Variants in MYRFL observed in about 807,000 individuals in gnomAD.
MYRFL encodes myelin regulatory factor like.
MYRFL carries 88 observed loss-of-function variants against 109.4 expected under a neutral mutation model. That is an observed-to-expected ratio of 0.80 (90% CI 0.68 to 0.96). The LOEUF (loss-of-function observed/expected upper bound fraction) is 0.96, where lower values mean the gene tolerates loss of function less well. MYRFL is among the 40% of genes least tolerant of loss of function. The pLI, the probability that MYRFL is intolerant of heterozygous loss-of-function variation, is 0.00. For missense variants in MYRFL, 957 were observed against 954.9 expected, an observed-to-expected ratio of 1.00 and a Z score of -0.03; for synonymous variants, 324 against 320.9, an observed-to-expected ratio of 1.01 and a Z score of -0.10.
At chr12:69,930,577 G>A (rs1281840587) in intron 15 of MYRFL, among the ~76,000 whole-genome samples, 2 of 152,026 alleles carry the variant, frequency 1.3e-5, no homozygotes, top group Non-Finnish European at 2.9e-5. Context: ...TTAATACTTT[G>A]GGAGGCCAGA....
chr12:69,958,458 G>A lies in MYRFL; in HGVS notation c.2660G>A (p.Cys887Tyr), dbSNP rs535892442. The change falls in exon 25 of 25, where the codon TGT (cysteine) becomes TAT (tyrosine). Residue 887 changes from cysteine to tyrosine, a missense_variant. Physicochemically the swap from Cys to Tyr is radical, Grantham distance 194. Transcript: ENST00000552032. ...FRVAAPDLAD[C>Y]STDPYFAGIF... ...CTTTTCTGACAGGATTTAGCTGACT[G>A]TTCAACTGATCCTTATTTTGCTGGG... is the stretch of plus-strand genomic sequence containing the variant. 63 of 1,530,672 alleles carry A rather than the reference G, an allele frequency of 4.1e-5. No individual in the cohort carries two copies. Among genetic ancestry groups the A allele is most frequent in the Non-Finnish European group, 5.1e-5 (58 of 1,145,042 alleles). 94.8% of individuals were successfully genotyped at this position (1,530,672 alleles called of 1,614,324 possible).
At chr12:69,899,213 C>G (rs1177127139) in intron 10 of MYRFL, among the ~76,000 whole-genome samples, 1 of 149,236 alleles carries the variant, frequency 6.7e-6, no homozygotes, top group Non-Finnish European at 1.5e-5. Flanking sequence ...TAACATCAAC[C>G]ATTCATCCCC....
intron 2 of MYRFL, among the ~76,000 whole-genome samples, chr12:69,877,026 T>TC (rs1555245927): frequency 0.18 from 15,548 of 88,620 alleles, 972 homozygotes; most frequent in Middle Eastern, 0.32. Flanking sequence ...TTTCTTTCTT[T>TC]TTTTTTTTTT....
At chr12:69,898,856 C>T (rs1415127305) in intron 10 of MYRFL, among the ~76,000 whole-genome samples, 1 of 152,066 alleles carries the variant, frequency 6.6e-6, no homozygotes, top group Admixed American at 6.5e-5. Context: ...ACAACAGCAA[C>T]ATGAGAGGGA....
chr12:69,917,718 A>G (rs1367273623), intron 13 of MYRFL, among the ~76,000 whole-genome samples: 1 of 152,152 alleles, frequency 6.6e-6, no homozygotes, highest in African/African-American at 2.4e-5. Context: ...GTTGATTAGT[A>G]CAGTATCTGA....
intron 22 of MYRFL, among the ~76,000 whole-genome samples, chr12:69,957,542 T>C (rs1300725973): frequency 6.6e-6 from 1 of 152,030 alleles, no homozygotes; most frequent in Non-Finnish European, 1.5e-5. Flanking sequence ...CTGGGCAACA[T>C]AGCGAGATCT....
intron 13 of MYRFL, among the ~76,000 whole-genome samples, chr12:69,918,840 T>A (rs1345420597): frequency 6.6e-6 from 1 of 152,186 alleles, no homozygotes; most frequent in Non-Finnish European, 1.5e-5. Context: ...ACTCTATTAT[T>A]TTATTCTTTC....
intron 15 of MYRFL, among the ~76,000 whole-genome samples, chr12:69,929,686 G>A (rs17107291): frequency 0.015 from 2,340 of 152,296 alleles, 62 homozygotes; most frequent in African/African-American, 0.051. Flanking sequence ...GTAAAAAGGA[G>A]GCAGCATAGC....
At chr12:69,880,345 A>T in intron 5 of MYRFL, 53 bp downstream of exon 5, 1 of 683,694 alleles carries the variant, frequency 1.5e-6, no homozygotes, top group Non-Finnish European at 2.7e-6. Context: ...CTTGGGCATT[A>T]AAGCAAGGCT....
chr12:69,895,581 A>G (rs563219999), intron 9 of MYRFL, 100 bp downstream of exon 9: 246 of 847,924 alleles, frequency 2.9e-4, no homozygotes, highest in Middle Eastern at 4.9e-4. Flanking sequence ...GCTACCAGCC[A>G]GAACACAGGG....
chr12:69,940,919 G>A (rs1385396982), intron 19 of MYRFL, among the ~76,000 whole-genome samples: 1 of 90,152 alleles, frequency 1.1e-5, no homozygotes, highest in African/African-American at 4.3e-5. Flanking sequence ...AACCAACAAA[G>A]ATCAAAAGAG....
intron 5 of MYRFL, 122 bp from the exon 6 acceptor site, chr12:69,886,698 A>C (rs989298907): frequency 4.2e-6 from 5 of 1,192,688 alleles, no homozygotes; most frequent in Non-Finnish European, 5.8e-6. Context: ...TACCCCCAGC[A>C]CATGACACTT....
intron 19 of MYRFL, among the ~76,000 whole-genome samples, chr12:69,944,404 A>T (rs1468735484): frequency 7.0e-6 from 1 of 142,116 alleles, no homozygotes; most frequent in Admixed American, 7.2e-5. Flanking sequence ...TGAAATTGGA[A>T]ATCATCATTC....
intron 6 of MYRFL, 106 bp downstream of exon 6, chr12:69,887,076 C>T: frequency 8.5e-7 from 1 of 1,172,310 alleles, no homozygotes; most frequent in Non-Finnish European, 1.2e-6. Flanking sequence ...TCAAGTGGGG[C>T]AAATCAGTGA....
chr12:69,910,953 C>CTTCCTCATGG, intron 13 of MYRFL, 23 bp downstream of exon 13: 2 of 1,477,642 alleles, frequency 1.4e-6, no homozygotes, highest in Non-Finnish European at 1.8e-6. Flanking sequence ...AAGATATCAG[C>CTTCCTCATGG]TGCTATAAGC....
intron 1 of MYRFL, among the ~76,000 whole-genome samples, chr12:69,827,543 C>CA (rs918646766): frequency 1.1e-4 from 17 of 152,032 alleles, no homozygotes; most frequent in Non-Finnish European, 2.1e-4. Flanking sequence ...TCTGGAAACT[C>CA]AGACGCCATG....
At chr12:69,833,610 T>C (rs1882764970) in intron 1 of MYRFL, among the ~76,000 whole-genome samples, 1 of 152,220 alleles carries the variant, frequency 6.6e-6, no homozygotes, top group Non-Finnish European at 1.5e-5. Context: ...GTCAGTATTT[T>C]AGAGAGGAGG....
At chr12:69,865,560 GAGAC>G (rs1486372420) in intron 2 of MYRFL, among the ~76,000 whole-genome samples, 3 of 152,166 alleles carry the variant, frequency 2.0e-5, no homozygotes, top group Non-Finnish European at 4.4e-5. Flanking sequence ...AAGGGGGTGA[GAGAC>G]AGGAGGACAG....
At chr12:69,902,513 A>G (rs1401791581) in intron 10 of MYRFL, among the ~76,000 whole-genome samples, 2 of 152,078 alleles carry the variant, frequency 1.3e-5, no homozygotes, top group African/African-American at 4.8e-5. Flanking sequence ...GAGAAAATCT[A>G]TGCATATTCA....
Sources: allele counts gnomAD v4.1 joint callset (sites outside exome capture counted in the v4.1 genomes callset), GRCh38; gene constraint gnomAD v4.1.1; transcripts MANE v1.5; gene names NCBI Gene and HGNC (gene_info 2026-07-23, HGNC 2026-07-21).